TRPM3: variants seen among roughly 807,000 people sequenced by gnomAD.
TRPM3 encodes the protein transient receptor potential cation channel subfamily M member 3.
In TRPM3, 77 loss-of-function variants were observed where a neutral mutation model predicts 181.2. The ratio of observed to expected loss-of-function variants is 0.42; its 90% CI spans 0.35 to 0.51. The LOEUF (loss-of-function observed/expected upper bound fraction) is 0.51. Among genes scored for constraint, TRPM3 ranks in the 20% least tolerant of loss-of-function variants. TRPM3 has a pLI of 0.01. For synonymous variants in TRPM3, 745 were observed against 796.4 expected (o/e 0.94, Z 1.09); for missense variants, 1,759 against 2,196.7 (o/e 0.80, Z 3.98).
chr9:70,867,937 C>G (rs1299062582), intron 1 of TRPM3, among the ~76,000 whole-genome samples: 1 of 152,016 alleles, frequency 6.6e-6, no homozygotes, highest in Non-Finnish European at 1.5e-5. Flanking sequence ...TATTTTGCTT[C>G]AACATCCAAC....
chr9:70,805,260 CAGAG>C (rs1363979378), intron 6 of TRPM3, among the ~76,000 whole-genome samples: 2 of 149,530 alleles, frequency 1.3e-5, no homozygotes, highest in African/African-American at 5.0e-5. Flanking sequence ...CAGAGAGAGA[CAGAG>C]AGACAGAGAG....
At chr9:70,894,596 T>C (rs968520901) in intron 1 of TRPM3, among the ~76,000 whole-genome samples, 1 of 152,158 alleles carries the variant, frequency 6.6e-6, no homozygotes, top group Non-Finnish European at 1.5e-5. Flanking sequence ...TAGGAGAGCA[T>C]TGAACTTTAG....
chr9:70,787,763 C>CTTTTTTTTTTTTTTTTTTTTTTTGTTTTT (rs2084154820), intron 6 of TRPM3, among the ~76,000 whole-genome samples: 14 of 68,560 alleles, frequency 2.0e-4, no homozygotes, highest in South Asian at 8.4e-4. Flanking sequence ...TTTTTGGATT[C>CTTTTTTTTTTTTTTTTTTTTTTTGTTTTT]TTTTTTTTTT....
intron 1 of TRPM3, among the ~76,000 whole-genome samples, chr9:71,032,019 A>AGAT (rs1231738814): frequency 0.49 from 247 of 504 alleles, 50 homozygotes; most frequent in East Asian, 0.62. Flanking sequence ...TATATAATAT[A>AGAT]TATATATAAT....
At chr9:70,667,918 T>C (rs891455769) in intron 9 of TRPM3, among the ~76,000 whole-genome samples, 1 of 152,178 alleles carries the variant, frequency 6.6e-6, no homozygotes, top group African/African-American at 2.4e-5. Flanking sequence ...AGTCTTCCAG[T>C]GTATAATAAG....
intron 1 of TRPM3, among the ~76,000 whole-genome samples, chr9:70,970,211 A>G (rs556678660): frequency 6.6e-6 from 1 of 152,324 alleles, no homozygotes; most frequent in East Asian, 1.9e-4. Context: ...TATGTAAAAT[A>G]TTCCCACCAG....
intron 12 of TRPM3, among the ~76,000 whole-genome samples, chr9:70,628,893 A>C (rs2065181135): frequency 6.6e-6 from 1 of 151,288 alleles, no homozygotes; most frequent in African/African-American, 2.4e-5. Context: ...TGCTTTGAGA[A>C]ACTTAGGTGT....
intron 25 of TRPM3, among the ~76,000 whole-genome samples, chr9:70,538,488 G>T (rs2042375309): frequency 6.6e-6 from 1 of 152,140 alleles, no homozygotes; most frequent in Admixed American, 6.5e-5. Context: ...AAGTGCAATG[G>T]TGTGATCATG....
chr9:71,032,075 T>TA (rs1565024477), intron 1 of TRPM3, among the ~76,000 whole-genome samples: 3 of 1,958 alleles, frequency 1.5e-3, no homozygotes, highest in African/African-American at 6.6e-3. Context: ...TATTATATTA[T>TA]ATTATATATA....
chr9:70,646,188 C>A (rs374171635), intron 9 of TRPM3, among the ~76,000 whole-genome samples: 5 of 152,140 alleles, frequency 3.3e-5, no homozygotes, highest in African/African-American at 1.2e-4. Context: ...GATCTAGAAC[C>A]AGAAATACCA....
At chr9:71,016,164 A>C (rs2097782934) in intron 1 of TRPM3, among the ~76,000 whole-genome samples, 1 of 151,444 alleles carries the variant, frequency 6.6e-6, no homozygotes, top group African/African-American at 2.4e-5. Flanking sequence ...AAAATTCTGA[A>C]GATATTACCA....
chr9:70,924,752 G>A (rs530741878), intron 1 of TRPM3, among the ~76,000 whole-genome samples: 1 of 152,240 alleles, frequency 6.6e-6, no homozygotes, highest in African/African-American at 2.4e-5. Flanking sequence ...TTATAGTCCT[G>A]ATATGATTTG....
At chr9:71,094,112 G>T (rs1444237664) in intron 1 of TRPM3, among the ~76,000 whole-genome samples, 1 of 151,286 alleles carries the variant, frequency 6.6e-6, no homozygotes, top group Non-Finnish European at 1.5e-5. Context: ...GCAAGGGGAG[G>T]GAGAGCATTA....
rs533664897 is a variant in TRPM3 at position 70,916,761 on chromosome 9, CTTTGTTATATGGAAAAA to C, written c.178-52267_178-52251del. Among the ~76,000 whole-genome samples, 481 of 152,282 alleles carry C rather than the reference CTTTGTTATATGGAAAAA, an allele frequency of 3.2e-3. 6 individuals carry two copies. The highest frequency in any genetic ancestry group is 0.011 in the African/African-American group (460 of 41,558). ...AATAAGAAAGAAAATACAAGCAGCA[CTTTGTTATATGGAAAAA>C]TGCTTCAGCTCAGCAAGAATATAGA... On this transcript the variant is annotated intron_variant, in intron 1 of 25. Coordinates refer to ENST00000677713, the MANE Select transcript of TRPM3 (RefSeq NM_001366145.2).
At chr9:71,215,047 CAAAA>C (rs72383590) in intron 1 of TRPM3, among the ~76,000 whole-genome samples, 15 of 112,600 alleles carry the variant, frequency 1.3e-4, no homozygotes, top group East Asian at 2.5e-4. Context: ...AAAAAAAAAA[CAAAA>C]AAAAAAAAAA....
chr9:70,845,215 A>G (rs1337444619), intron 4 of TRPM3, among the ~76,000 whole-genome samples: 1 of 152,172 alleles, frequency 6.6e-6, no homozygotes, highest in African/African-American at 2.4e-5. Context: ...CTACGAATGC[A>G]AAATTAAGCA....
At chr9:71,351,873 T>G (rs1440290944) in intron 1 of TRPM3, among the ~76,000 whole-genome samples, 3 of 92,450 alleles carry the variant, frequency 3.2e-5, no homozygotes, top group South Asian at 4.6e-4. Flanking sequence ...TTTGTTTGTT[T>G]TTGTTTTTTT....
chr9:70,958,638 C>G (rs554674438), intron 1 of TRPM3, among the ~76,000 whole-genome samples: 2 of 152,084 alleles, frequency 1.3e-5, no homozygotes, highest in East Asian at 3.9e-4. Context: ...ACCATTTGAC[C>G]CAGCCATCCC....
chr9:70,635,188 C>T, intron 12 of TRPM3, 23 bp downstream of exon 12: 2 of 1,611,526 alleles, frequency 1.2e-6, no homozygotes, highest in Non-Finnish European at 1.7e-6. Context: ...GGGCCTCCGA[C>T]CTGCAGTCGA....
Sources: allele counts gnomAD v4.1 joint callset (sites outside exome capture counted in the v4.1 genomes callset), GRCh38; gene constraint gnomAD v4.1.1; transcripts MANE v1.5; gene names NCBI Gene and HGNC (gene_info 2026-07-23, HGNC 2026-07-21).